BICD1: variants seen among roughly 807,000 people sequenced by gnomAD.
BICD1 encodes BICD cargo adaptor 1, also known as protein bicaudal D homolog 1.
In BICD1, 35 loss-of-function variants were observed where a neutral mutation model predicts 92.5. The ratio of observed to expected loss-of-function variants is 0.38; its 90% confidence interval spans 0.29 to 0.50. The LOEUF (loss-of-function observed/expected upper bound fraction) is 0.50, where lower values mean the gene tolerates loss of function less well. BICD1 is among the 20% of genes least tolerant of loss of function. BICD1 has a pLI of 0.93. For missense variants in BICD1, 950 were observed against 1,189.8 expected, an observed-to-expected ratio of 0.80 and a Z score of 2.97; for synonymous variants, 429 against 465.1, an observed-to-expected ratio of 0.92 and a Z score of 1.00.
chr12:32,346,586 GTATA>G (rs1209956649), intron 8 of BICD1, among the ~76,000 whole-genome samples: 2,012 of 9,856 alleles, frequency 0.2, 334 homozygotes, highest in African/African-American at 0.25. Context: ...ATATATACGT[GTATA>G]TATATATATA....
At chr12:32,239,316 C>T (rs1369034691) in intron 2 of BICD1, among the ~76,000 whole-genome samples, 5 of 151,164 alleles carry the variant, frequency 3.3e-5, no homozygotes, top group Admixed American at 6.6e-5. Flanking sequence ...CCTGTAATCC[C>T]AGCACTTTGG....
In BICD1 at chr12:32,367,657, C is replaced by T; in HGVS notation, c.2765-13C>T. On this transcript the variant is annotated splice_polypyrimidine_tract_variant and intron_variant, in intron 8 of 9. Transcript: ENST00000652176. ...CTCTTTGTACACATGTCTAATTTAT[C>T]AGTTTCTTGTAGATTGTCAGCAGCC... The T allele has an allele frequency of 6.2e-7, 1 of 1,612,692 alleles. No individual in the cohort carries two copies. The highest frequency in any genetic ancestry group is 2.2e-5 in the East Asian group (1 of 44,878).
intron 1 of BICD1, among the ~76,000 whole-genome samples, chr12:32,209,552 CCTTTT>C (rs1771918150): frequency 6.6e-6 from 1 of 152,134 alleles, no homozygotes; most frequent in Non-Finnish European, 1.5e-5. Flanking sequence ...ACTAGCCAAC[CCTTTT>C]CTTCCTACAA....
chr12:32,126,555 G>A (rs1021149350), intron 1 of BICD1, among the ~76,000 whole-genome samples: 1 of 151,892 alleles, frequency 6.6e-6, no homozygotes, highest in Non-Finnish European at 1.5e-5. Flanking sequence ...CCAGGAGTTC[G>A]AGATCAGCCT....
At chr12:32,308,490 A>G (rs1948290359) in intron 4 of BICD1, among the ~76,000 whole-genome samples, 1 of 152,232 alleles carries the variant, frequency 6.6e-6, no homozygotes, top group Admixed American at 6.5e-5. Context: ...GGACTAGTGC[A>G]CAGTAAATGC....
chr12:32,244,292 A>G lies in BICD1; in HGVS notation c.426+27833A>G, dbSNP rs11831016. 6.8e-3 allele frequency among the ~76,000 whole-genome samples: 1,043 copies of G among 152,274 alleles called. 11 individuals carry two copies. The highest frequency in any genetic ancestry group is 0.024 in the African/African-American group (977 of 41,544). On this transcript the variant is annotated intron_variant, in intron 2 of 9. Transcript: ENST00000652176. Reference sequence around the variant, plus strand: ...TATGACGGAGCTTTTCTTGAGGACCATTTGACCCTGTGTCTCTCTTTGCCT... The same window carrying G: ...TATGACGGAGCTTTTCTTGAGGACCGTTTGACCCTGTGTCTCTCTTTGCCT...
chr12:32,247,254 G>T, intron 2 of BICD1, among the ~76,000 whole-genome samples: 1 of 133,012 alleles, frequency 7.5e-6, no homozygotes, highest in Non-Finnish European at 1.5e-5. Flanking sequence ...AAAAAAAAAT[G>T]CCTATTAGAC....
chr12:32,158,450 C>T (rs546823584), intron 1 of BICD1, among the ~76,000 whole-genome samples: 1 of 151,608 alleles, frequency 6.6e-6, no homozygotes, highest in East Asian at 1.9e-4. Flanking sequence ...ACGGTGAGAC[C>T]CTGCCTGTAT....
rs575425758 is a variant in BICD1 at position 32,348,182 on chromosome 12, A to G, written c.2764+9203A>G. ...TCCAGAAATTACATTTCCTTAAAAGATTTCATATTCAAAACCTGAGCATTG... is the reference window on the plus strand; with the variant it reads ...TCCAGAAATTACATTTCCTTAAAAGGTTTCATATTCAAAACCTGAGCATTG... On this transcript the variant is annotated intron_variant, in intron 8 of 9. Coordinates refer to ENST00000652176, the MANE Select transcript of BICD1 (RefSeq NM_001714.4). Among the ~76,000 whole-genome samples the G allele has an allele frequency of 2.6e-5, 4 of 152,290 alleles. No individual in the cohort carries two copies. The South Asian group carries it at 8.3e-4, about 32-fold the overall frequency.
chr12:32,286,472 A>C (rs2136180062), intron 2 of BICD1, among the ~76,000 whole-genome samples: 1 of 152,348 alleles, frequency 6.6e-6, no homozygotes, highest in African/African-American at 2.4e-5. Context: ...ATGTAATGAA[A>C]TACTGTAATT....
At chr12:32,332,477 A>G in intron 5 of BICD1, 1 of 977,718 alleles carries the variant, frequency 1.0e-6, no homozygotes, top group Non-Finnish European at 1.2e-6. Context: ...TGATGAAGTC[A>G]GTAAATGCTT....
chr12:32,320,102 G>A (rs1260470329), intron 4 of BICD1, among the ~76,000 whole-genome samples: 1 of 152,152 alleles, frequency 6.6e-6, no homozygotes, highest in Non-Finnish European at 1.5e-5. Flanking sequence ...TATCAGAGTT[G>A]TTTCTCTTCA....
chr12:32,116,080 G>C (rs1037736032), intron 1 of BICD1, among the ~76,000 whole-genome samples: 35 of 152,254 alleles, frequency 2.3e-4, no homozygotes, highest in African/African-American at 7.5e-4. Context: ...CAATGGAGGG[G>C]AATATGAAAG....
intron 1 of BICD1, among the ~76,000 whole-genome samples, chr12:32,142,825 C>A (rs1428957169): frequency 1.3e-5 from 2 of 152,150 alleles, no homozygotes; most frequent in Admixed American, 6.5e-5. Flanking sequence ...GTTGTTGGAG[C>A]CATCTCTTGT....
intron 8 of BICD1, among the ~76,000 whole-genome samples, chr12:32,356,866 C>T (rs893674452): frequency 9.2e-5 from 14 of 152,150 alleles, no homozygotes; most frequent in Admixed American, 3.9e-4. Context: ...AGTATATGGA[C>T]ATTTATATTT....
At chr12:32,270,869 T>C (rs2136146124) in intron 2 of BICD1, among the ~76,000 whole-genome samples, 1 of 152,284 alleles carries the variant, frequency 6.6e-6, no homozygotes, top group African/African-American at 2.4e-5. Context: ...GATGGGACCT[T>C]GCTCCGTATA....
intron 1 of BICD1, among the ~76,000 whole-genome samples, chr12:32,214,669 A>G (rs1945302357): frequency 6.6e-6 from 1 of 152,244 alleles, no homozygotes; most frequent in African/African-American, 2.4e-5. Context: ...AAACAAGTTT[A>G]CCAACAAGAC....
intron 1 of BICD1, among the ~76,000 whole-genome samples, chr12:32,215,326 C>T (rs141846269): frequency 6.6e-6 from 1 of 152,262 alleles, no homozygotes; most frequent in East Asian, 1.9e-4. Flanking sequence ...CCCATCTACC[C>T]CGTAAGTGAC....
intron 1 of BICD1, among the ~76,000 whole-genome samples, chr12:32,203,251 A>G (rs1369573739): frequency 2.0e-5 from 3 of 152,226 alleles, no homozygotes; most frequent in Admixed American, 1.3e-4. Context: ...TTTTGGAAAT[A>G]GTATAGGAGA....
Sources: allele counts gnomAD v4.1 joint callset (sites outside exome capture counted in the v4.1 genomes callset), GRCh38; gene constraint gnomAD v4.1.1; transcripts MANE v1.5; gene names NCBI Gene and HGNC (gene_info 2026-07-23, HGNC 2026-07-21).